The following LRMDA variants were observed in gnomAD, a reference collection of about 807,000 sequenced individuals.
LRMDA encodes leucine rich melanocyte differentiation associated.
In LRMDA, 18 loss-of-function variants were observed where a neutral mutation model predicts 29.8. The observed-to-expected ratio is 0.60, with a 90% CI of 0.42 to 0.90. LRMDA has a LOEUF of 0.90. Among genes scored for constraint, LRMDA ranks in the 40% least tolerant of loss-of-function variants. The pLI, the probability that LRMDA is intolerant of heterozygous loss-of-function variation, is 0.00. For synonymous variants in LRMDA, 125 were observed against 109.4 expected (o/e 1.14, Z -0.89); for missense variants, 273 against 273.9 (o/e 1.00, Z 0.02).
chr10:76,308,989 T>A (rs1840595639), intron 5 of LRMDA, among the ~76,000 whole-genome samples: 1 of 151,306 alleles, frequency 6.6e-6, no homozygotes. Context: ...CAGTCCCTAA[T>A]CCTCACTGCC....
At chr10:76,252,206 C>T (rs1243657284) in intron 5 of LRMDA, among the ~76,000 whole-genome samples, 2 of 152,176 alleles carry the variant, frequency 1.3e-5, no homozygotes, top group African/African-American at 2.4e-5. Context: ...GGAGAAGGAA[C>T]GTTCACATGG....
At chr10:75,541,268 G>A (rs1191251672) in intron 2 of LRMDA, among the ~76,000 whole-genome samples, 1 of 152,062 alleles carries the variant, frequency 6.6e-6, no homozygotes, top group Admixed American at 6.6e-5. Context: ...CTGAATTAAT[G>A]TGCTGTTCAG....
At chr10:76,520,263 G>GT (rs560682527) in intron 6 of LRMDA, among the ~76,000 whole-genome samples, 8,263 of 145,132 alleles carry the variant, frequency 0.057, 272 homozygotes, top group South Asian at 0.14. Flanking sequence ...TAATCTTTCA[G>GT]TTTTTTTTTT....
chr10:76,100,133 G>GCC, intron 5 of LRMDA, among the ~76,000 whole-genome samples: 2 of 152,192 alleles, frequency 1.3e-5, no homozygotes, highest in African/African-American at 4.8e-5. Flanking sequence ...ATTTAGGATT[G>GCC]TTATGTGTTC....
intron 5 of LRMDA, among the ~76,000 whole-genome samples, chr10:76,252,994 G>T (rs975303445): frequency 5.9e-5 from 9 of 152,184 alleles, no homozygotes; most frequent in African/African-American, 2.2e-4. Context: ...AGACAGTTGT[G>T]TATGAGCGGG....
At chr10:75,672,515 CTTTTCT>C (rs144942991) in intron 2 of LRMDA, among the ~76,000 whole-genome samples, 495 of 37,668 alleles carry the variant, frequency 0.013, 98 homozygotes, top group East Asian at 0.095. Flanking sequence ...TTGTATTTTT[CTTTTCT>C]TTTCCTCCCC....
chr10:75,716,464 C>A (rs528381996), intron 2 of LRMDA, among the ~76,000 whole-genome samples: 1 of 152,334 alleles, frequency 6.6e-6, no homozygotes, highest in East Asian at 1.9e-4. Context: ...AATCTCAGAA[C>A]AATGCTTTTT....
intron 5 of LRMDA, among the ~76,000 whole-genome samples, chr10:76,239,598 T>C (rs1852231790): frequency 6.6e-6 from 1 of 151,114 alleles, no homozygotes; most frequent in Non-Finnish European, 1.5e-5. Flanking sequence ...TCTCTCTGTC[T>C]CTCTCTCTCT....
At chr10:76,053,571 C>T (rs894566297) in intron 4 of LRMDA, among the ~76,000 whole-genome samples, 2 of 152,096 alleles carry the variant, frequency 1.3e-5, no homozygotes, top group African/African-American at 4.8e-5. Flanking sequence ...CCTGACATGA[C>T]CTAGAACAAA....
At chr10:75,511,352 C>A (rs1217404970) in intron 2 of LRMDA, among the ~76,000 whole-genome samples, 1 of 152,008 alleles carries the variant, frequency 6.6e-6, no homozygotes, top group Admixed American at 6.6e-5. Flanking sequence ...CAACAAAAAA[C>A]CAAAGAGAAT....
chr10:75,601,772 A>T (rs1266891596), intron 2 of LRMDA, among the ~76,000 whole-genome samples: 18 of 152,170 alleles, frequency 1.2e-4, no homozygotes, highest in Admixed American at 7.2e-4. Context: ...AATTATCTCA[A>T]CTACCCTATG....
intron 5 of LRMDA, among the ~76,000 whole-genome samples, chr10:76,076,473 G>A (rs1390441790): frequency 6.6e-6 from 1 of 151,434 alleles, no homozygotes. Context: ...CATCCTGAAT[G>A]TGAAGATAGA....
intron 2 of LRMDA, among the ~76,000 whole-genome samples, chr10:75,856,161 G>A (rs1417765253): frequency 6.6e-6 from 1 of 152,072 alleles, no homozygotes; most frequent in Non-Finnish European, 1.5e-5. Context: ...TGGGCAGTAT[G>A]GCCATTTTCA....
chr10:76,518,860 C>A (rs1662410286), intron 6 of LRMDA, among the ~76,000 whole-genome samples: 1 of 152,150 alleles, frequency 6.6e-6, no homozygotes, highest in African/African-American at 2.4e-5. Context: ...ACAGAGAACA[C>A]ACATTCTTAA....
intron 2 of LRMDA, among the ~76,000 whole-genome samples, chr10:75,560,858 C>T (rs2132061863): frequency 6.6e-6 from 1 of 152,244 alleles, no homozygotes; most frequent in East Asian, 1.9e-4. Context: ...GTATATTGAA[C>T]CAGCCTTGCA....
At chr10:76,015,762 C>T (rs566361333) in intron 2 of LRMDA, among the ~76,000 whole-genome samples, 1 of 152,074 alleles carries the variant, frequency 6.6e-6, no homozygotes, top group African/African-American at 2.4e-5. Flanking sequence ...AATGAGGTAC[C>T]CACTTAGACA....
chr10:76,057,968 A>C (rs1327458237), intron 4 of LRMDA, among the ~76,000 whole-genome samples: 1 of 152,228 alleles, frequency 6.6e-6, no homozygotes, highest in South Asian at 2.1e-4. Flanking sequence ...ACTAGCAGCC[A>C]TTGGCTTATT....
rs554520136 is a variant in LRMDA at position 75,436,073 on chromosome 10, A to G, written c.31-2321A>G. Among the ~76,000 whole-genome samples the G allele has an allele frequency of 9.9e-3, 1,450 of 147,024 alleles. 26 individuals are homozygous for G. Among genetic ancestry groups the G allele is most frequent in the African/African-American group, 0.031 (1,239 of 39,530 alleles). On this transcript the variant is annotated intron_variant, in intron 1 of 6. Coordinates refer to ENST00000611255, the MANE Select transcript of LRMDA (RefSeq NM_001305581.2). The stretch of plus-strand genomic sequence containing the variant: ...CATCTCTTTAAAAAAAAAAAAAAAA[A>G]AGAGAGAGAGAAATCTCACACCCAC...
chr10:75,755,747 G>A (rs1372364663), intron 2 of LRMDA, among the ~76,000 whole-genome samples: 3 of 152,226 alleles, frequency 2.0e-5, no homozygotes, highest in Non-Finnish European at 4.4e-5. Context: ...GCAACATCGC[G>A]GCAGCGGCAT....
Sources: allele counts gnomAD v4.1 joint callset (sites outside exome capture counted in the v4.1 genomes callset), GRCh38; gene constraint gnomAD v4.1.1; transcripts MANE v1.5; gene names NCBI Gene and HGNC (gene_info 2026-07-23, HGNC 2026-07-21).